GAK: variants seen among roughly 807,000 people sequenced by gnomAD.
GAK encodes cyclin-G-associated kinase.
In GAK, 79 loss-of-function variants were observed where a neutral mutation model predicts 143.9. The observed-to-expected ratio is 0.55, with a 90% CI of 0.46 to 0.66. GAK has a LOEUF of 0.66. Ranked by LOEUF, GAK falls within the 30% of genes least tolerant of loss-of-function variation. The probability of loss-of-function intolerance (pLI) is 0.00; values close to 1 mark genes in which losing one functional copy is unlikely to be tolerated. For missense variants in GAK, 1,693 were observed against 1,779.7 expected, an observed-to-expected ratio of 0.95 and a Z score of 0.88; for synonymous variants, 881 against 765.5, an observed-to-expected ratio of 1.15 and a Z score of -2.49.
intron 15 of GAK, among the ~76,000 whole-genome samples, chr4:880,909 G>T (rs945355029): frequency 6.6e-6 from 1 of 152,160 alleles, no homozygotes; most frequent in Non-Finnish European, 1.5e-5. Flanking sequence ...TGCTGAACAG[G>T]CCCCACCGCA....
chr4:909,488 C>A (rs530117837), intron 4 of GAK, among the ~76,000 whole-genome samples: 1 of 152,218 alleles, frequency 6.6e-6, no homozygotes, highest in East Asian at 1.9e-4. Context: ...GACAGCCCAG[C>A]ACGGACTGCA....
Position 901,921 on chromosome 4 carries a change from G to A in GAK, c.525+2716C>T, listed in dbSNP as rs184971910. ...GGCTCGGTTCCTCCCACCTCACTGC[G>A]GATAATGGTGTCAAAACCACATAAA... is the stretch of plus-strand genomic sequence containing the variant. On this transcript the variant is annotated intron_variant, in intron 5 of 27. Coordinates refer to ENST00000314167, the MANE Select transcript of GAK (RefSeq NM_005255.4). Among the ~76,000 whole-genome samples, 6 of 152,360 alleles carry A rather than the reference G, an allele frequency of 3.9e-5. No homozygotes were observed. In the East Asian group the frequency reaches 5.8e-4, roughly 15 times the overall value.
At chr4:920,539 A>AAT (rs766096942) in intron 1 of GAK, among the ~76,000 whole-genome samples, 3 of 129,592 alleles carry the variant, frequency 2.3e-5, no homozygotes, top group African/African-American at 9.0e-5. Context: ...GTTTAGAGCC[A>AAT]TTTTTTTTTT....
chr4:870,387 C>A (rs1712294516), intron 19 of GAK, among the ~76,000 whole-genome samples: 1 of 152,190 alleles, frequency 6.6e-6, no homozygotes, highest in South Asian at 2.1e-4. Flanking sequence ...GTGTGTCCAG[C>A]ACACATGACA....
chr4:915,610 T>C (rs953909988), intron 1 of GAK: 1 of 152,154 alleles, frequency 6.6e-6, no homozygotes, highest in Non-Finnish European at 1.5e-5. Context: ...TTAATTCTAT[T>C]GTTTTGGGGT....
At chr4:917,674 G>A (rs751010809) in intron 1 of GAK, among the ~76,000 whole-genome samples, 7 of 152,278 alleles carry the variant, frequency 4.6e-5, no homozygotes, top group South Asian at 4.1e-4. Flanking sequence ...GAGGGAGACC[G>A]TGGCGCTGAC....
chr4:896,156 C>T (rs1188623374), intron 7 of GAK, among the ~76,000 whole-genome samples: 5 of 152,054 alleles, frequency 3.3e-5, no homozygotes, highest in Non-Finnish European at 7.4e-5. Flanking sequence ...CCCAGCTACT[C>T]GGGAGGCTGA....
At chr4:856,362 C>G (rs1253035233) in intron 24 of GAK, among the ~76,000 whole-genome samples, 1 of 77,834 alleles carries the variant, frequency 1.3e-5, no homozygotes, top group Non-Finnish European at 2.6e-5. Context: ...CACCTGCTCA[C>G]CACAGCTGCT....
chr4:867,496 GCGCGTCCCTT>G, intron 20 of GAK, 64 bp from the exon 21 acceptor site: 23 of 1,238,164 alleles, frequency 1.9e-5, no homozygotes, highest in African/African-American at 6.1e-5. Flanking sequence ...GGTCCCCACG[GCGCGTCCCTT>G]CAGGGCCTCC....
At chr4:901,259 C>CCCAGGGCACACAGGGAGAG (rs1719813694) in intron 5 of GAK, among the ~76,000 whole-genome samples, 2 of 152,188 alleles carry the variant, frequency 1.3e-5, no homozygotes, top group African/African-American at 4.8e-5. Context: ...GGCACCCCCA[C>CCCAGGGCACACAGGGAGAG]CCAGGGCACA....
intron 5 of GAK, among the ~76,000 whole-genome samples, chr4:902,565 C>G (rs1235953154): frequency 8.2e-6 from 1 of 121,284 alleles, no homozygotes; most frequent in Non-Finnish European, 1.6e-5. Flanking sequence ...AGTGCCGCTG[C>G]ACTCCAGCCT....
At chr4:861,313 G>A (rs761865965) in intron 23 of GAK, among the ~76,000 whole-genome samples, 3 of 152,172 alleles carry the variant, frequency 2.0e-5, no homozygotes, top group Admixed American at 6.5e-5. Context: ...GAGGAAGGCC[G>A]GGTGCAGCAG....
chr4:888,090 G>C (rs746739307), intron 11 of GAK: 1 of 152,304 alleles, frequency 6.6e-6, no homozygotes, highest in African/African-American at 2.4e-5. Flanking sequence ...AAAAACATAA[G>C]AAAAAGCCCG....
Position 877,113 on chromosome 4 carries a change from G to A in GAK, c.1951C>T (p.Leu651=), listed in dbSNP as rs1714089978. ...ACCTTGGCCTGCAGCCGGCCGCCCA[G>A]AGTGGACCGGGCGTGATAGATGACG... The part of the protein sequence containing the change: ...LIVIYHARST[L]GGRLQAKMAS... The change falls in exon 17 of 28, where the codon CTG becomes TTG. Residue 651 remains leucine (L), a synonymous_variant. Transcript: ENST00000314167. 1.2e-6 allele frequency: 2 copies of A among 1,613,374 alleles called. No individual in the cohort carries two copies. The highest frequency in any genetic ancestry group is 2.2e-5 in the East Asian group (1 of 44,860).
intron 5 of GAK, among the ~76,000 whole-genome samples, chr4:898,823 G>A (rs577629055): frequency 1.3e-5 from 2 of 151,976 alleles, no homozygotes; most frequent in East Asian, 1.9e-4. Context: ...AGATTGCGCC[G>A]CTGCACTCCA....
chr4:856,494 CCTACTCACCACCACAG>C (rs1749258593), intron 24 of GAK, among the ~76,000 whole-genome samples: 3 of 141,500 alleles, frequency 2.1e-5, no homozygotes, highest in Non-Finnish European at 4.7e-5. Flanking sequence ...GCTGCTCACA[CCTACTCACCACCACAG>C]CTGCTCACAC....
intron 18 of GAK, among the ~76,000 whole-genome samples, chr4:875,107 T>C (rs1373603238): frequency 6.6e-6 from 1 of 152,230 alleles, no homozygotes; most frequent in Non-Finnish European, 1.5e-5. Context: ...CCAAAGTCCC[T>C]GCCTCCTGCC....
Position 861,314 on chromosome 4 carries a change from G to C in GAK, c.3167-1592C>G, listed in dbSNP as rs546788934. On this transcript the variant is annotated intron_variant, in intron 23 of 27. Coordinates refer to ENST00000314167, the MANE Select transcript of GAK (RefSeq NM_005255.4). Reference sequence around the variant, plus strand: ...GCACGTCAAAAGCAGAGGAAGGCCGGGTGCAGCAGCTCATGCCTGTGTTCC... The same window carrying C: ...GCACGTCAAAAGCAGAGGAAGGCCGCGTGCAGCAGCTCATGCCTGTGTTCC... 2.0e-5 allele frequency among the ~76,000 whole-genome samples: 3 copies of C among 152,272 alleles called. No individual in the cohort carries two copies. In the East Asian group the frequency reaches 5.8e-4, roughly 29 times the overall value.
intron 20 of GAK, among the ~76,000 whole-genome samples, chr4:867,946 G>A (rs1187356885): frequency 1.3e-5 from 2 of 152,256 alleles, no homozygotes; most frequent in African/African-American, 2.4e-5. Context: ...GCTGAGTCAA[G>A]TGGGGGCCAC....
Sources: gnomAD v4.1 joint callset for allele counts (sites outside exome capture counted in the v4.1 genomes callset) on GRCh38, gnomAD v4.1.1 for gene constraint, MANE v1.5 for transcripts, NCBI Gene and HGNC (gene_info 2026-07-23, HGNC 2026-07-21) for gene names.